The following SCHIP1 variants were observed in gnomAD, a reference collection of about 807,000 sequenced individuals.
SCHIP1 encodes schwannomin interacting protein 1.
Under a neutral mutation model 29.7 loss-of-function variants are expected in SCHIP1, and 8 were observed. That is an observed-to-expected ratio of 0.27 (90% CI 0.16 to 0.49). The LOEUF (loss-of-function observed/expected upper bound fraction) is 0.49. Ranked by LOEUF, SCHIP1 falls within the 20% of genes least tolerant of loss-of-function variation. SCHIP1 has a pLI of 0.99. For synonymous variants in SCHIP1, 76 were observed against 94.9 expected (o/e 0.80, Z 1.16); for missense variants, 193 against 294.6 (o/e 0.66, Z 2.52).
chr3:159,498,622 C>T, the SCHIP1 span, among the ~76,000 whole-genome samples: 21 of 151,882 alleles, frequency 1.4e-4, 1 homozygote, highest in South Asian at 4.1e-4. Context: ...CTCCCACCTA[C>T]GTATCTTCAA....
At chr3:159,304,638 GA>G in the SCHIP1 span, among the ~76,000 whole-genome samples, 1 of 152,084 alleles carries the variant, frequency 6.6e-6, no homozygotes, top group Non-Finnish European at 1.5e-5. Context: ...CTCCTTTAAA[GA>G]AGCAAAAAGT....
the SCHIP1 span, among the ~76,000 whole-genome samples, chr3:159,373,194 C>A: frequency 6.6e-6 from 1 of 151,430 alleles, no homozygotes; most frequent in African/African-American, 2.4e-5. Context: ...TCTTAATATC[C>A]TCTACATACT....
At chr3:159,385,937 C>T in the SCHIP1 span, among the ~76,000 whole-genome samples, 2 of 152,062 alleles carry the variant, frequency 1.3e-5, no homozygotes, top group Non-Finnish European at 2.9e-5. Flanking sequence ...TGAGTGAGAA[C>T]ATGCAGTGTT....
At chr3:159,394,308 C>T in the SCHIP1 span, among the ~76,000 whole-genome samples, 10 of 151,968 alleles carry the variant, frequency 6.6e-5, no homozygotes, top group Non-Finnish European at 1.2e-4. Flanking sequence ...CCCTTTATTT[C>T]CTTCTCCTGC....
At chr3:159,793,682 C>T in the SCHIP1 span, among the ~76,000 whole-genome samples, 2 of 152,098 alleles carry the variant, frequency 1.3e-5, no homozygotes, top group Admixed American at 1.3e-4. Flanking sequence ...CTCAGCCTCC[C>T]AAGTAGCTGG....
At chr3:159,370,438 G>T in the SCHIP1 span, among the ~76,000 whole-genome samples, 2 of 152,124 alleles carry the variant, frequency 1.3e-5, no homozygotes, top group South Asian at 4.1e-4. Flanking sequence ...TCTCCATGGC[G>T]CTAATAACCA....
the SCHIP1 span, among the ~76,000 whole-genome samples, chr3:159,659,977 G>A: frequency 1.6e-4 from 24 of 152,212 alleles, no homozygotes; most frequent in African/African-American, 5.8e-4. Flanking sequence ...AAGCAACATA[G>A]GACACCATCG....
chr3:159,875,741 G>A (rs921492627), intron 2 of SCHIP1, among the ~76,000 whole-genome samples: 1 of 152,122 alleles, frequency 6.6e-6, no homozygotes, highest in African/African-American at 2.4e-5. Context: ...ACTCAATCCT[G>A]TTGTAAAATT....
chr3:159,767,325 T>A, the SCHIP1 span, among the ~76,000 whole-genome samples: 4 of 152,208 alleles, frequency 2.6e-5, no homozygotes, highest in Non-Finnish European at 4.4e-5. Flanking sequence ...TTTAGTTTTA[T>A]ATGTATGGTG....
the SCHIP1 span, among the ~76,000 whole-genome samples, chr3:159,351,429 A>ATTAC: frequency 8.5e-5 from 13 of 152,124 alleles, no homozygotes; most frequent in Non-Finnish European, 1.5e-4. Context: ...CCAACACATA[A>ATTAC]TTACTTATGT....
the SCHIP1 span, among the ~76,000 whole-genome samples, chr3:159,811,968 GT>G: frequency 8.1e-3 from 862 of 106,946 alleles, 8 homozygotes; most frequent in African/African-American, 0.023. Flanking sequence ...AGTTTTTTTT[GT>G]TTTTGTTTTT....
At chr3:159,298,165 C>T in the SCHIP1 span, among the ~76,000 whole-genome samples, 1 of 152,188 alleles carries the variant, frequency 6.6e-6, no homozygotes, top group Admixed American at 6.5e-5. Flanking sequence ...CTACAGCTCA[C>T]ATAGATGATT....
the SCHIP1 span, among the ~76,000 whole-genome samples, chr3:159,831,925 A>T: frequency 6.6e-6 from 1 of 152,242 alleles, no homozygotes; most frequent in Admixed American, 6.5e-5. Flanking sequence ...CTTACTCATT[A>T]TCTAAATGTA....
rs1560090346 is a variant in SCHIP1, at chr3:159,869,720, A to G, written c.149+3439A>G. On this transcript the variant is annotated intron_variant, in intron 2 of 6. Transcript: ENST00000445224. ...TTATTCCTCCACATAAACTTTAAATAATATAATCAAGTTCAACAAAATACT... is the reference window on the plus strand; with the variant it reads ...TTATTCCTCCACATAAACTTTAAATGATATAATCAAGTTCAACAAAATACT... Among the ~76,000 whole-genome samples the G allele has an allele frequency of 9.1e-5, 13 of 143,094 alleles. 1 individual carries two copies. 93.9% of individuals were successfully genotyped at this position (143,094 alleles called of 152,430 possible).
At chr3:159,660,855 C>T in the SCHIP1 span, among the ~76,000 whole-genome samples, 1 of 152,166 alleles carries the variant, frequency 6.6e-6, no homozygotes, top group African/African-American at 2.4e-5. Context: ...GGAAAGAAAT[C>T]AGCCCACAGA....
chr3:159,579,565 C>A, the SCHIP1 span, among the ~76,000 whole-genome samples: 2 of 152,118 alleles, frequency 1.3e-5, no homozygotes, highest in African/African-American at 4.8e-5. Context: ...GCAGATGGCC[C>A]AGATAGGAGA....
At chr3:159,529,983 G>GT in the SCHIP1 span, among the ~76,000 whole-genome samples, 6 of 152,188 alleles carry the variant, frequency 3.9e-5, no homozygotes, top group Non-Finnish European at 7.4e-5. Context: ...TATATACCAT[G>GT]TTTTTAAAAA....
the SCHIP1 span, among the ~76,000 whole-genome samples, chr3:159,584,694 A>G: frequency 2.6e-5 from 4 of 152,122 alleles, no homozygotes; most frequent in Admixed American, 1.3e-4. Context: ...CTAACCAGCA[A>G]CATCAATATC....
the SCHIP1 span, among the ~76,000 whole-genome samples, chr3:159,528,487 C>A: frequency 6.6e-6 from 1 of 152,174 alleles, no homozygotes; most frequent in African/African-American, 2.4e-5. Context: ...AGTGGCGACT[C>A]TACTTGCACT....
Sources: gnomAD v4.1 joint callset for allele counts (sites outside exome capture counted in the v4.1 genomes callset) on GRCh38, gnomAD v4.1.1 for gene constraint, MANE v1.5 for transcripts, NCBI Gene and HGNC (gene_info 2026-07-23, HGNC 2026-07-21) for gene names.